ADARB2: variants seen among roughly 807,000 people sequenced by gnomAD.
ADARB2 encodes the protein inactive double-stranded RNA-specific editase B2.
ADARB2 carries 25 observed loss-of-function variants against 62.2 expected under a neutral mutation model. The ratio of observed to expected loss-of-function variants is 0.40; its 90% confidence interval spans 0.29 to 0.56. The LOEUF is 0.56. Among genes scored for constraint, ADARB2 ranks in the 20% least tolerant of loss-of-function variants. ADARB2 has a pLI of 0.43. For missense variants in ADARB2, 1,071 were observed against 1,077.4 expected (o/e 0.99, Z 0.08); for synonymous variants, 572 against 500.8 (o/e 1.14, Z -1.90).
intron 1 of ADARB2, among the ~76,000 whole-genome samples, chr10:1,519,429 G>A (rs1832047172): frequency 6.6e-6 from 1 of 152,196 alleles, no homozygotes; most frequent in Admixed American, 6.5e-5. Context: ...CTGTATGTTG[G>A]TATTGTCATA....
intron 1 of ADARB2, among the ~76,000 whole-genome samples, chr10:1,647,168 G>A (rs1834053773): frequency 6.6e-6 from 1 of 152,236 alleles, no homozygotes; most frequent in Non-Finnish European, 1.5e-5. Flanking sequence ...GTACTCTGAG[G>A]CTCTTTCACT....
chr10:1,593,678 G>C (rs1442025752), intron 1 of ADARB2, among the ~76,000 whole-genome samples: 1 of 152,122 alleles, frequency 6.6e-6, no homozygotes, highest in Admixed American at 6.5e-5. Flanking sequence ...TTATGATTTG[G>C]TTTGTTTTTG....
intron 1 of ADARB2, among the ~76,000 whole-genome samples, chr10:1,656,908 A>C (rs1834178149): frequency 6.6e-6 from 1 of 152,190 alleles, no homozygotes; most frequent in Non-Finnish European, 1.5e-5. Context: ...TGGGCCAGAA[A>C]AAAACAAAGC....
chr10:1,613,834 C>T (rs1833599549), intron 1 of ADARB2, among the ~76,000 whole-genome samples: 1 of 152,170 alleles, frequency 6.6e-6, no homozygotes, highest in East Asian at 1.9e-4. Context: ...AGCAGCAAGC[C>T]AGTGGTTAAA....
chr10:1,230,435 T>TTATC (rs1830793799), intron 6 of ADARB2, among the ~76,000 whole-genome samples: 1 of 152,102 alleles, frequency 6.6e-6, no homozygotes, highest in Non-Finnish European at 1.5e-5. Context: ...GAGGAGCCCC[T>TTATC]CACAGCAAAA....
chr10:1,727,518 G>A (rs991637420), intron 1 of ADARB2, among the ~76,000 whole-genome samples: 3 of 152,160 alleles, frequency 2.0e-5, no homozygotes. Context: ...AGTTTTCTCA[G>A]TGGGTTTTAA....
Position 1,261,581 on chromosome 10 carries a change from A to C in ADARB2, c.1192+9374T>G, listed in dbSNP as rs2131790830. On this transcript the variant is annotated intron_variant, in intron 4 of 9. Coordinates refer to ENST00000381312, the MANE Select transcript of ADARB2 (RefSeq NM_018702.4). ...TTATCACTGGCCATCAGAGAAATGC[A>C]AATCAAAACCACAATGAGATACCAT... 1.3e-5 allele frequency among the ~76,000 whole-genome samples: 2 copies of C among 150,228 alleles called. 1 individual carries two copies. The highest frequency in any genetic ancestry group is 5.1e-5 in the African/African-American group (2 of 39,540).
chr10:1,513,660 C>T (rs568566469), intron 1 of ADARB2, among the ~76,000 whole-genome samples: 17 of 152,326 alleles, frequency 1.1e-4, no homozygotes, highest in Non-Finnish European at 2.1e-4. Context: ...TGCAACCCCT[C>T]TGCCCAGGTG....
At chr10:1,499,452 A>C (rs1397493611) in intron 1 of ADARB2, among the ~76,000 whole-genome samples, 3 of 151,294 alleles carry the variant, frequency 2.0e-5, no homozygotes, top group African/African-American at 7.3e-5. Context: ...CTAATCGCTC[A>C]CTCATTACTC....
At chr10:1,262,527 C>T (rs1301634135) in intron 4 of ADARB2, among the ~76,000 whole-genome samples, 6 of 151,190 alleles carry the variant, frequency 4.0e-5, no homozygotes, top group South Asian at 4.2e-4. Context: ...AAAAAACACA[C>T]AAAAAAATGC....
intron 1 of ADARB2, among the ~76,000 whole-genome samples, chr10:1,412,213 G>A (rs570728178): frequency 2.6e-4 from 39 of 152,268 alleles, no homozygotes; most frequent in African/African-American, 7.5e-4. Context: ...CTGCGAGCCC[G>A]GAGACCTCGG....
chr10:1,581,826 A>ATGTGTG lies in ADARB2; in HGVS notation c.100+155219_100+155224dup, dbSNP rs56180704. Among the ~76,000 whole-genome samples, 92 of 148,496 alleles carry ATGTGTG rather than the reference A, an allele frequency of 6.2e-4. 1 individual carries two copies. In the Middle Eastern group the frequency reaches 0.014, roughly 22 times the overall value. On this transcript the variant is annotated intron_variant, in intron 1 of 9. Coordinates refer to ENST00000381312, the MANE Select transcript of ADARB2 (RefSeq NM_018702.4). ...AGGCATAGAGATGACTTAGAAATAG[A>ATGTGTG]TGTGTGTGTGTGTGTGTGTGTGTGT...
intron 1 of ADARB2, among the ~76,000 whole-genome samples, chr10:1,524,616 A>C (rs766413435): frequency 9.9e-5 from 15 of 152,204 alleles, no homozygotes. Context: ...TGGTTTTCAC[A>C]GGAATCTATT....
chr10:1,697,264 G>T (rs954883243), intron 1 of ADARB2, among the ~76,000 whole-genome samples: 5 of 152,120 alleles, frequency 3.3e-5, no homozygotes, highest in Non-Finnish European at 7.4e-5. Context: ...TCTTCCGAAA[G>T]GAAAATCAAA....
chr10:1,422,829 G>A (rs1349050378), intron 1 of ADARB2, among the ~76,000 whole-genome samples: 2 of 152,134 alleles, frequency 1.3e-5, no homozygotes, highest in South Asian at 2.1e-4. Flanking sequence ...GGGCATTAGC[G>A]TACCTCCTAT....
intron 1 of ADARB2, among the ~76,000 whole-genome samples, chr10:1,657,105 A>C (rs966707043): frequency 6.6e-6 from 1 of 151,612 alleles, no homozygotes; most frequent in African/African-American, 2.4e-5. Flanking sequence ...TTTTTTTTCC[A>C]CAACGTACAC....
chr10:1,536,102 G>A (rs896161784), intron 1 of ADARB2, among the ~76,000 whole-genome samples: 14 of 152,138 alleles, frequency 9.2e-5, no homozygotes, highest in Non-Finnish European at 1.8e-4. Flanking sequence ...TGGCAGGGTG[G>A]GTCCAACCCT....
chr10:1,326,872 C>CGACGG, intron 3 of ADARB2, among the ~76,000 whole-genome samples: 2 of 70,738 alleles, frequency 2.8e-5, no homozygotes, highest in African/African-American at 1.3e-4. Context: ...CAGCGCCTCC[C>CGACGG]CACGGCACAG....
intron 3 of ADARB2, among the ~76,000 whole-genome samples, chr10:1,311,846 G>T (rs1465390871): frequency 6.6e-6 from 1 of 152,206 alleles, no homozygotes. Flanking sequence ...GAGCCAATGG[G>T]CTGGATCTTA....
Sources: gnomAD v4.1 joint callset for allele counts (sites outside exome capture counted in the v4.1 genomes callset) on GRCh38, gnomAD v4.1.1 for gene constraint, MANE v1.5 for transcripts, NCBI Gene and HGNC (gene_info 2026-07-23, HGNC 2026-07-21) for gene names.